STK3: variants seen among roughly 807,000 people sequenced by gnomAD.
The protein encoded by STK3 is serine/threonine-protein kinase 3.
A neutral mutation model predicts 58.0 loss-of-function variants in STK3; 41 were observed. That is an observed-to-expected ratio of 0.71 (90% CI 0.55 to 0.92). The LOEUF is 0.92. Among genes scored for constraint, STK3 ranks in the 40% least tolerant of loss-of-function variants. The pLI, the probability that STK3 is intolerant of heterozygous loss-of-function variation, is 0.00. For missense variants in STK3, 479 were observed against 602.7 expected, an observed-to-expected ratio of 0.79 and a Z score of 2.15; for synonymous variants, 170 against 191.0, an observed-to-expected ratio of 0.89 and a Z score of 0.91.
chr8:98,810,967 T>C (rs1834182687), intron 1 of STK3, among the ~76,000 whole-genome samples: 1 of 152,218 alleles, frequency 6.6e-6, no homozygotes. Context: ...CCTTCTGCCA[T>C]GAATAAAATC....
intron 10 of STK3, among the ~76,000 whole-genome samples, chr8:98,471,826 T>C (rs2131228371): frequency 6.6e-6 from 1 of 152,300 alleles, no homozygotes; most frequent in East Asian, 1.9e-4. Context: ...AAGTAAATTA[T>C]GGTGGCTTTA....
chr8:98,517,511 G>A (rs944341106), intron 10 of STK3, among the ~76,000 whole-genome samples: 2 of 152,064 alleles, frequency 1.3e-5, no homozygotes, highest in Non-Finnish European at 2.9e-5. Context: ...GTGGAAGATA[G>A]ACATGAGAAG....
intron 1 of STK3, among the ~76,000 whole-genome samples, chr8:98,912,303 G>A (rs918904650): frequency 9.9e-5 from 15 of 152,152 alleles, no homozygotes; most frequent in South Asian, 2.1e-4. Flanking sequence ...GCTTGATCCC[G>A]GGAGGAGGAG....
intron 6 of STK3, among the ~76,000 whole-genome samples, chr8:98,689,893 T>C (rs1824268840): frequency 1.3e-5 from 2 of 152,278 alleles, no homozygotes; most frequent in Admixed American, 6.5e-5. Flanking sequence ...ATTCAACATA[T>C]GCAAGTCAGT....
intron 1 of STK3, among the ~76,000 whole-genome samples, chr8:98,884,484 T>G (rs117066819): frequency 0.015 from 2,321 of 152,302 alleles, 35 homozygotes; most frequent in Middle Eastern, 0.044. Context: ...ACTAAGGAAT[T>G]AACAATACAA....
At chr8:98,845,141 T>G (rs755597931) in intron 3 of STK3, among the ~76,000 whole-genome samples, 3 of 152,204 alleles carry the variant, frequency 2.0e-5, no homozygotes, top group Non-Finnish European at 4.4e-5. Context: ...TTTTTTTACT[T>G]AGAGTTCATT....
intron 3 of STK3, among the ~76,000 whole-genome samples, chr8:98,847,917 C>T (rs903330119): frequency 6.6e-6 from 1 of 152,128 alleles, no homozygotes; most frequent in African/African-American, 2.4e-5. Context: ...AGTTATCCTA[C>T]AGGTATCTCA....
At chr8:98,919,002 C>T (rs993432616) in intron 1 of STK3, among the ~76,000 whole-genome samples, 16 of 151,732 alleles carry the variant, frequency 1.1e-4, no homozygotes, top group Non-Finnish European at 2.2e-4. Flanking sequence ...GGGAGATGGG[C>T]TCAAAACAGT....
At chr8:98,897,879 A>G (rs921510032) in intron 1 of STK3, among the ~76,000 whole-genome samples, 2 of 152,228 alleles carry the variant, frequency 1.3e-5, no homozygotes, top group Admixed American at 6.5e-5. Context: ...GCATACTGAT[A>G]TGATCACCAC....
At chr8:98,852,015 AAAAG>A (rs375733111) in intron 3 of STK3, among the ~76,000 whole-genome samples, 191 of 152,304 alleles carry the variant, frequency 1.3e-3, no homozygotes, top group African/African-American at 4.3e-3. Context: ...ATGAAAAAGA[AAAAG>A]AAAGAAGAAG....
chr8:98,408,559 A>G (rs1818022373), intron 3 of STK3, among the ~76,000 whole-genome samples: 1 of 152,228 alleles, frequency 6.6e-6, no homozygotes, highest in Non-Finnish European at 1.5e-5. Context: ...TTATTCTCAA[A>G]TACTCTGCTG....
At chr8:98,846,546 G>T (rs1836205292) in intron 3 of STK3, among the ~76,000 whole-genome samples, 1 of 152,264 alleles carries the variant, frequency 6.6e-6, no homozygotes, top group Admixed American at 6.5e-5. Context: ...TTCTGGGAGA[G>T]CTTTGTTTTC....
chr8:98,744,947 A>G (rs1829543230), intron 4 of STK3, among the ~76,000 whole-genome samples: 1 of 152,176 alleles, frequency 6.6e-6, no homozygotes, highest in Admixed American at 6.5e-5. Flanking sequence ...TCATATACAG[A>G]AATAAACTCC....
At chr8:98,572,944 T>C (rs1257265329) in intron 8 of STK3, among the ~76,000 whole-genome samples, 1 of 151,844 alleles carries the variant, frequency 6.6e-6, no homozygotes, top group Non-Finnish European at 1.5e-5. Flanking sequence ...AAAAAAATCA[T>C]AAAAACCTGA....
At chr8:98,807,303 C>T (rs570619440) in intron 1 of STK3, among the ~76,000 whole-genome samples, 2 of 151,648 alleles carry the variant, frequency 1.3e-5, no homozygotes, top group African/African-American at 4.8e-5. Context: ...GTTGCCCAGG[C>T]TGGAGTGCAA....
At chr8:98,644,673 AT>A (rs1820268778) in intron 6 of STK3, among the ~76,000 whole-genome samples, 1 of 152,170 alleles carries the variant, frequency 6.6e-6, no homozygotes, top group Non-Finnish European at 1.5e-5. Flanking sequence ...TTACTCAACA[AT>A]CTTTTTCTCC....
chr8:98,523,533 C>T (rs913970618), intron 10 of STK3, among the ~76,000 whole-genome samples: 2 of 152,042 alleles, frequency 1.3e-5, no homozygotes, highest in African/African-American at 2.4e-5. Flanking sequence ...CACCACCACA[C>T]CCCAGCTAAT....
chr8:98,635,278 G>T (rs1264705902), intron 6 of STK3, among the ~76,000 whole-genome samples: 1 of 152,106 alleles, frequency 6.6e-6, no homozygotes, highest in Non-Finnish European at 1.5e-5. Flanking sequence ...TGTAATTATT[G>T]TTGTTACTAT....
chr8:98,818,315 A>G (rs1834677673), intron 1 of STK3, among the ~76,000 whole-genome samples: 2 of 152,234 alleles, frequency 1.3e-5, no homozygotes, highest in Non-Finnish European at 2.9e-5. Context: ...TTCACCAATG[A>G]GCATCTGGAA....
Sources: gnomAD v4.1 joint callset for allele counts (sites outside exome capture counted in the v4.1 genomes callset) on GRCh38, gnomAD v4.1.1 for gene constraint, MANE v1.5 for transcripts, NCBI Gene and HGNC (gene_info 2026-07-23, HGNC 2026-07-21) for gene names.